SVOP: variants seen among roughly 807,000 people sequenced by gnomAD.
SVOP encodes the protein SV2 related protein.
Under a neutral mutation model 69.1 loss-of-function variants are expected in SVOP, and 17 were observed. That is an observed-to-expected ratio of 0.25 (90% CI 0.17 to 0.37). SVOP has a LOEUF of 0.37. SVOP is among the 10% of genes least tolerant of loss of function. SVOP has a pLI of 1.00. For missense variants in SVOP, 435 were observed against 597.5 expected (o/e 0.73, Z 2.84); for synonymous variants, 238 against 238.6 (o/e 1.00, Z 0.02).
chr12:108,918,315 C>A (rs1433629460), intron 13 of SVOP, among the ~76,000 whole-genome samples, 191 bp from the exon 14 acceptor site: 6 of 152,194 alleles, frequency 3.9e-5, no homozygotes, highest in Non-Finnish European at 7.3e-5. Context: ...GTAAGTTAAT[C>A]ATTCCTCAAA....
At position 108,915,827 on chromosome 12, in the gene SVOP, C is replaced by T. The variant is rs373382687; in HGVS notation, c.1396G>A (p.Gly466Ser). Reference protein sequence around the residue: ...TRALGLGTCSGMARVGALITP... With the variant: ...TRALGLGTCSSMARVGALITP... ...ATGAGAGCACCCACTCTTGCCATGC[C>T]GCTGCAGGTGCCCAGGCCGAGGGCC... Residue 466 changes from glycine (G) to serine (S), a missense_variant, in exon 15 of 16, where the codon GGC becomes AGC. Transcript: ENST00000610966. The T allele has an allele frequency of 3.0e-5, 48 of 1,608,578 alleles. No individual in the cohort carries two copies. The highest frequency in any genetic ancestry group is 2.5e-4 in the East Asian group (11 of 44,490).
intron 10 of SVOP, 29 bp from the exon 11 acceptor site, chr12:108,934,300 A>C: frequency 7.0e-6 from 11 of 1,568,146 alleles, no homozygotes; most frequent in Non-Finnish European, 9.5e-6. Flanking sequence ...AAAGGTAAAG[A>C]AATGATCAGA....
In SVOP at chr12:108,918,117, G is replaced by A; in HGVS notation, c.1276C>T (p.Leu426Phe). 6.4e-7 allele frequency: 1 copy of A among 1,566,922 alleles called. No homozygotes were observed. The highest frequency in any genetic ancestry group is 8.7e-7 in the Non-Finnish European group (1 of 1,155,772). Residue 426 changes from leucine (L) to phenylalanine (F), a missense_variant, in exon 14 of 16, where the codon CTC becomes TTC. Coordinates refer to ENST00000610966, the MANE Select transcript of SVOP (RefSeq NM_018711.5). ...CTTGCAATGAAGAGTAACAGAGTGAGCACATTTCTAGGAGGAGGATAAAGG... is the reference window on the plus strand; with the variant it reads ...CTTGCAATGAAGAGTAACAGAGTGAACACATTTCTAGGAGGAGGATAAAGG... ...LLFICVGRNV[L>F]TLLLFIARAF...
At chr12:108,985,660 G>C (rs2040162292) in intron 1 of SVOP, among the ~76,000 whole-genome samples, 1 of 152,172 alleles carries the variant, frequency 6.6e-6, no homozygotes, top group South Asian at 2.1e-4. Flanking sequence ...GACAGAGCAA[G>C]ATCCTAGGAT....
chr12:108,943,449 A>G (rs533628514), intron 7 of SVOP, among the ~76,000 whole-genome samples: 5 of 151,790 alleles, frequency 3.3e-5, no homozygotes, highest in Non-Finnish European at 7.4e-5. Context: ...ACAAAAAAAA[A>G]TTAGCCAGGC....
intron 6 of SVOP, among the ~76,000 whole-genome samples, chr12:108,945,904 T>C (rs2039919703): frequency 1.3e-5 from 2 of 152,192 alleles, no homozygotes; most frequent in Admixed American, 1.3e-4. Flanking sequence ...AGCTTGGTAA[T>C]CTGGTCTAAC....
chr12:108,958,735 G>A (rs999919391), intron 6 of SVOP, among the ~76,000 whole-genome samples: 4 of 152,094 alleles, frequency 2.6e-5, no homozygotes, highest in Admixed American at 6.6e-5. Flanking sequence ...TGCAGAAGTT[G>A]CCTTGGCCAA....
chr12:108,959,022 A>G (rs1373241374), intron 6 of SVOP, among the ~76,000 whole-genome samples: 1 of 152,152 alleles, frequency 6.6e-6, no homozygotes, highest in African/African-American at 2.4e-5. Flanking sequence ...CTCAAAGTCT[A>G]TTCCCCAGGA....
intron 2 of SVOP, among the ~76,000 whole-genome samples, chr12:108,980,986 C>T (rs1449412677): frequency 6.6e-6 from 1 of 152,172 alleles, no homozygotes; most frequent in Non-Finnish European, 1.5e-5. Context: ...CCGAGGATCT[C>T]ATCAGCCCCT....
Position 108,911,819 on chromosome 12 carries a change from GTCC to G in SVOP, c.*713_*715del, listed in dbSNP as rs1205308703. 4 of 152,240 alleles carry G rather than the reference GTCC, an allele frequency of 2.6e-5. No individual in the cohort carries two copies. The highest frequency in any genetic ancestry group is 9.7e-5 in the African/African-American group (4 of 41,446). 9.4% of individuals were successfully genotyped at this position (152,240 alleles called of 1,614,324 possible). A position where few individuals can be genotyped will look rare whatever the true frequency, so the allele number is the denominator to read the frequency against. ...TTCAGCTTGATTCACTTTGGCCTCA[GTCC>G]TCAGTTCCCAGGGGGTAACGGCGTT... On this transcript the variant is annotated 3_prime_UTR_variant, in exon 16 of 16. Transcript: ENST00000610966.
At chr12:108,913,052 G>C (rs2039694369) in intron 15 of SVOP, among the ~76,000 whole-genome samples, 1 of 151,606 alleles carries the variant, frequency 6.6e-6, no homozygotes, top group Non-Finnish European at 1.5e-5. Context: ...CTGATCTCAA[G>C]TATTCTTTTT....
At chr12:108,972,277 C>T in intron 5 of SVOP, 128 bp downstream of exon 5, 2 of 852,840 alleles carry the variant, frequency 2.3e-6, no homozygotes, top group South Asian at 1.6e-5. Context: ...GCAATGTCTT[C>T]TCACTGTACT....
chr12:108,939,524 A>C (rs1271750448), intron 8 of SVOP, among the ~76,000 whole-genome samples: 2 of 152,364 alleles, frequency 1.3e-5, no homozygotes, highest in Non-Finnish European at 2.9e-5. Flanking sequence ...AAAATGGAGC[A>C]ACAGCTGTTT....
intron 11 of SVOP, among the ~76,000 whole-genome samples, chr12:108,932,889 T>C (rs1379337445): frequency 6.6e-6 from 1 of 152,168 alleles, no homozygotes; most frequent in Non-Finnish European, 1.5e-5. Context: ...TCTTTTTTTT[T>C]CGTTTTTGAA....
chr12:108,989,651 C>T (rs939191962), intron 1 of SVOP, among the ~76,000 whole-genome samples: 2 of 152,162 alleles, frequency 1.3e-5, no homozygotes, highest in African/African-American at 4.8e-5. Context: ...CTCCCCTCCA[C>T]CAGGGGCAAT....
intron 7 of SVOP, among the ~76,000 whole-genome samples, chr12:108,944,046 C>T (rs1263552820): frequency 9.9e-5 from 15 of 152,058 alleles, no homozygotes; most frequent in Admixed American, 3.3e-4. Context: ...ACCTGACTAA[C>T]TTTTTGTATT....
chr12:108,978,091 T>C (rs974438326), intron 3 of SVOP, among the ~76,000 whole-genome samples: 4 of 152,126 alleles, frequency 2.6e-5, no homozygotes, highest in African/African-American at 7.2e-5. Flanking sequence ...GGAAATGTTG[T>C]GGGGAAATTG....
chr12:108,912,875 T>G (rs1334387179), intron 15 of SVOP, 134 bp from the exon 16 acceptor site: 1 of 933,050 alleles, frequency 1.1e-6, no homozygotes, highest in African/African-American at 1.6e-5. Flanking sequence ...GATTCCCTCC[T>G]CTCCCCCTTT....
At chr12:108,997,901 C>T (rs1475777578) in intron 1 of SVOP, among the ~76,000 whole-genome samples, 16 of 149,582 alleles carry the variant, frequency 1.1e-4, no homozygotes, top group African/African-American at 3.0e-4. Context: ...AAACGCAGAG[C>T]GCCTCTCCTC....
Sources: gnomAD v4.1 joint callset for allele counts (sites outside exome capture counted in the v4.1 genomes callset) on GRCh38, gnomAD v4.1.1 for gene constraint, MANE v1.5 for transcripts, NCBI Gene and HGNC (gene_info 2026-07-23, HGNC 2026-07-21) for gene names.